The following SLIT1 variants were observed in gnomAD, a reference collection of about 807,000 sequenced individuals.
SLIT1 encodes the protein slit guidance ligand 1, also known as slit homolog 1 protein.
In SLIT1, 66 loss-of-function variants were observed where a neutral mutation model predicts 186.1. The ratio of observed to expected loss-of-function variants is 0.35; its 90% CI spans 0.29 to 0.44. The LOEUF (loss-of-function observed/expected upper bound fraction) is 0.44. Among genes scored for constraint, SLIT1 ranks in the 20% least tolerant of loss-of-function variants. The pLI, the probability that SLIT1 is intolerant of heterozygous loss-of-function variation, is 1.00. For missense variants in SLIT1, 1,638 were observed against 2,037.4 expected, an observed-to-expected ratio of 0.80 and a Z score of 3.77; for synonymous variants, 761 against 833.8, an observed-to-expected ratio of 0.91 and a Z score of 1.50.
chr10:97,004,285 G>A lies in SLIT1; in HGVS notation c.3711-63C>T. On this transcript the variant is annotated intron_variant, in intron 33 of 36. Transcript: ENST00000266058. The surrounding 1 kb of genome is among the most constrained non-coding windows in gnomAD (Gnocchi z 5.1). Reference sequence around the variant, plus strand: ...CATCAGTCTGGACCATCCCTGCCTGGGCACTTCCCCAGAAACACCAGTAGC... The same window carrying A: ...CATCAGTCTGGACCATCCCTGCCTGAGCACTTCCCCAGAAACACCAGTAGC... The A allele has an allele frequency of 2.0e-6, 3 of 1,521,036 alleles. No homozygotes were observed. The highest frequency in any genetic ancestry group is 2.7e-6 in the Non-Finnish European group (3 of 1,116,182). 94.2% of individuals were successfully genotyped at this position (1,521,036 alleles called of 1,614,324 possible). A position where few individuals can be genotyped will look rare whatever the true frequency, so the allele number is the denominator to read the frequency against.
rs1023949173 is a variant in SLIT1 at position 97,127,892 on chromosome 10, A to C, written c.413+29926T>G. On this transcript the variant is annotated intron_variant, in intron 4 of 36. Coordinates refer to ENST00000266058, the MANE Select transcript of SLIT1 (RefSeq NM_003061.3). ...TTAGAACCTCTCTCAGGTTCTTTCC[A>C]GTTCATATATGATTAAAGCAATGAT... is the stretch of plus-strand genomic sequence containing the variant. Among the ~76,000 whole-genome samples the C allele has an allele frequency of 1.1e-4, 16 of 152,212 alleles. No homozygotes were observed. The East Asian group carries it at 3.1e-3, about 29-fold the overall frequency.
At chr10:97,099,216 G>A (rs1371341491) in intron 4 of SLIT1, among the ~76,000 whole-genome samples, 1 of 152,156 alleles carries the variant, frequency 6.6e-6, no homozygotes, top group African/African-American at 2.4e-5. Context: ...GAAGAGAGGG[G>A]CCAGGGCTTG....
At chr10:97,067,084 T>C (rs1848954760) in intron 4 of SLIT1, among the ~76,000 whole-genome samples, 1 of 152,188 alleles carries the variant, frequency 6.6e-6, no homozygotes, top group Non-Finnish European at 1.5e-5. Flanking sequence ...AGGCAGGGCC[T>C]GACTCCAAAC....
chr10:97,144,960 C>T (rs943853138), intron 4 of SLIT1, among the ~76,000 whole-genome samples: 1 of 152,022 alleles, frequency 6.6e-6, no homozygotes, highest in African/African-American at 2.4e-5. Flanking sequence ...TTGTCCAGAG[C>T]CCCACAGATA....
intron 4 of SLIT1, among the ~76,000 whole-genome samples, chr10:97,066,291 GACAC>G (rs915236593): frequency 1.4e-4 from 22 of 152,208 alleles, no homozygotes; most frequent in African/African-American, 5.3e-4. Context: ...GAACTGGAGA[GACAC>G]ACCATGTCCT....
chr10:97,147,180 AG>A (rs1357306643), intron 4 of SLIT1, among the ~76,000 whole-genome samples: 1 of 152,204 alleles, frequency 6.6e-6, no homozygotes, highest in Admixed American at 6.5e-5. Flanking sequence ...CAGTCACAGA[AG>A]GGCAAATCCT....
At chr10:97,110,541 A>G (rs1564678480) in intron 4 of SLIT1, among the ~76,000 whole-genome samples, 1 of 152,274 alleles carries the variant, frequency 6.6e-6, no homozygotes, top group Non-Finnish European at 1.5e-5. Flanking sequence ...AGTCCAAAAA[A>G]ATAAAAAATA....
intron 35 of SLIT1, 45 bp from the exon 36 acceptor site, chr10:97,002,414 AGCCCCACCTGACACAGCCC>A (rs553263283): frequency 2.2e-4 from 315 of 1,463,886 alleles, no homozygotes; most frequent in Middle Eastern, 8.0e-4. Context: ...AACCCAGCCA[AGCCCCACCTGACACAGCCC>A]GCCCCACCTG....
chr10:97,052,796 C>G (rs753777023), intron 13 of SLIT1, among the ~76,000 whole-genome samples: 11 of 152,194 alleles, frequency 7.2e-5, no homozygotes, highest in Non-Finnish European at 1.2e-4. Context: ...TAAAATAAGA[C>G]TCAGTCAAGA....
intron 4 of SLIT1, chr10:97,103,581 T>G (rs531710466): frequency 6.6e-6 from 1 of 152,330 alleles, no homozygotes; most frequent in Non-Finnish European, 1.5e-5. Context: ...AAACGTTTAT[T>G]TTAGCACATC....
intron 17 of SLIT1, 89 bp downstream of exon 17, chr10:97,046,902 G>GCCGTGGGAGCTGCCCCCA: frequency 6.4e-7 from 1 of 1,561,902 alleles, no homozygotes; most frequent in Non-Finnish European, 8.8e-7. Context: ...CTGGCCCCCC[G>GCCGTGGGAGCTGCCCCCA]CCGTGGGAGC....
At chr10:97,031,864 C>A (rs1468568682) in intron 23 of SLIT1, among the ~76,000 whole-genome samples, 187 bp from the exon 24 acceptor site, 1 of 152,214 alleles carries the variant, frequency 6.6e-6, no homozygotes, top group Non-Finnish European at 1.5e-5. Context: ...TTGGGCATGC[C>A]CCCTAATCCC....
intron 18 of SLIT1, among the ~76,000 whole-genome samples, 189 bp downstream of exon 18, chr10:97,046,465 G>A (rs963298954): frequency 6.6e-6 from 1 of 152,252 alleles, no homozygotes; most frequent in Admixed American, 6.5e-5. Context: ...CAGGGTACAA[G>A]AGAACAGGTC....
chr10:97,181,684 A>T (rs941520898), intron 1 of SLIT1, among the ~76,000 whole-genome samples: 3 of 152,066 alleles, frequency 2.0e-5, no homozygotes, highest in Non-Finnish European at 4.4e-5. Flanking sequence ...CATCTCTACA[A>T]AAAAGGAAAA....
intron 1 of SLIT1, among the ~76,000 whole-genome samples, chr10:97,179,366 G>A (rs1850299550): frequency 1.3e-5 from 2 of 152,224 alleles, no homozygotes; most frequent in Admixed American, 1.3e-4. Flanking sequence ...GGCTGAGTGG[G>A]AGGATCACTT....
At chr10:97,109,688 T>C (rs370752543) in intron 4 of SLIT1, among the ~76,000 whole-genome samples, 1 of 151,242 alleles carries the variant, frequency 6.6e-6, no homozygotes, top group African/African-American at 2.4e-5. Flanking sequence ...GAGTGGCAGG[T>C]GCACAGAGGA....
intron 4 of SLIT1, among the ~76,000 whole-genome samples, chr10:97,105,930 G>T (rs750988727): frequency 6.6e-6 from 1 of 152,280 alleles, no homozygotes; most frequent in African/African-American, 2.4e-5. Flanking sequence ...GGAAAGGCAT[G>T]CAGGAGGTCA....
At chr10:97,099,045 G>C (rs1589392659) in intron 4 of SLIT1, among the ~76,000 whole-genome samples, 1 of 151,984 alleles carries the variant, frequency 6.6e-6, no homozygotes, top group Non-Finnish European at 1.5e-5. Flanking sequence ...TGTGTGACTT[G>C]CCCAGCCAAG....
intron 4 of SLIT1, among the ~76,000 whole-genome samples, chr10:97,110,056 A>G (rs1328251284): frequency 6.6e-6 from 1 of 152,180 alleles, no homozygotes; most frequent in Non-Finnish European, 1.5e-5. Flanking sequence ...TGTCCACCCA[A>G]TAATCACTGA....
Sources: gnomAD v4.1 joint callset for allele counts (sites outside exome capture counted in the v4.1 genomes callset) on GRCh38, gnomAD v4.1.1 for gene constraint, Gnocchi (gnomAD v3.1) non-coding constraint, MANE v1.5 for transcripts, NCBI Gene and HGNC (gene_info 2026-07-23, HGNC 2026-07-21) for gene names.